The following TTC39A variants were observed in gnomAD, a reference collection of about 807,000 sequenced individuals.
TTC39A encodes the protein tetratricopeptide repeat domain 39A.
In TTC39A, 46 loss-of-function variants were observed where a neutral mutation model predicts 82.3. That is an observed-to-expected ratio of 0.56 (90% CI 0.44 to 0.71). TTC39A has a LOEUF of 0.71. TTC39A is among the 30% of genes least tolerant of loss of function. TTC39A has a pLI of 0.00. For synonymous variants in TTC39A, 254 were observed against 275.2 expected (o/e 0.92, Z 0.76); for missense variants, 543 against 712.9 (o/e 0.76, Z 2.71).
rs1376003823 is a variant in TTC39A, at chr1:51,312,270, C to A, written c.279-75G>T. 4 of 1,357,520 alleles carry A rather than the reference C, an allele frequency of 2.9e-6. No individual in the cohort carries two copies. The African/African-American group carries it at 5.8e-5, about 20-fold the overall frequency. 84.1% of individuals were successfully genotyped at this position (1,357,520 alleles called of 1,614,324 possible). A position where few individuals can be genotyped will look rare whatever the true frequency, so the allele number is the denominator to read the frequency against. On this transcript the variant is annotated intron_variant, in intron 3 of 17. Transcript: ENST00000680483. The stretch of plus-strand genomic sequence containing the variant: ...CTTGTCTCTGCCCCTCTCTGCTACA[C>A]CCTAGAACATTCCTAAAGAGACAGA...
Position 51,323,084 on chromosome 1 carries a change from C to T in TTC39A, c.42-1259G>A, listed in dbSNP as rs139890814. Among the ~76,000 whole-genome samples, 467 of 152,190 alleles carry T rather than the reference C, an allele frequency of 3.1e-3. 3 individuals carry two copies. Among genetic ancestry groups the T allele is most frequent in the Admixed American group, 6.2e-3 (94 of 15,284 alleles). On this transcript the variant is annotated intron_variant, in intron 1 of 17. Transcript: ENST00000680483. ...CTCCTGGGCTCAAGTGATCCTCTTG[C>T]CTCAGCATCCCAACGTGTTGGGATT... is the stretch of plus-strand genomic sequence containing the variant.
chr1:51,304,452 C>T (rs1275607925), intron 8 of TTC39A, among the ~76,000 whole-genome samples: 1 of 152,200 alleles, frequency 6.6e-6, no homozygotes, highest in Non-Finnish European at 1.5e-5. Context: ...GAGGGACTTG[C>T]TCAGAGTCAC....
intron 13 of TTC39A, chr1:51,295,825 C>G (rs542250591): frequency 1.8e-6 from 1 of 568,004 alleles, no homozygotes; most frequent in African/African-American, 1.9e-5. Flanking sequence ...CGGAGGAAGA[C>G]GATATTAGCA....
chr1:51,307,525 G>C (rs1231210411), intron 6 of TTC39A, among the ~76,000 whole-genome samples: 1 of 152,098 alleles, frequency 6.6e-6, no homozygotes, highest in Non-Finnish European at 1.5e-5. Flanking sequence ...CCTGAGGTCA[G>C]GAGTTCGAGA....
chr1:51,322,100 A>G, intron 1 of TTC39A: 2 of 1,552,106 alleles, frequency 1.3e-6, no homozygotes, highest in Non-Finnish European at 1.7e-6. Context: ...AAGAGGCCTC[A>G]GGAATCAATG....
chr1:51,312,201 G>A lies in TTC39A; in HGVS notation c.279-6C>T. ...CAGAAGACTTCCTCCGGTGCCTGAAGAGGAAAAAGAGGGGCCTCAGGTGAG... is the reference window on the plus strand; with the variant it reads ...CAGAAGACTTCCTCCGGTGCCTGAAAAGGAAAAAGAGGGGCCTCAGGTGAG... On this transcript the variant is annotated splice_polypyrimidine_tract_variant and splice_region_variant and intron_variant, in intron 3 of 17. Transcript: ENST00000680483. 2 of 1,601,066 alleles carry A rather than the reference G, an allele frequency of 1.2e-6. No individual in the cohort carries two copies. The highest frequency in any genetic ancestry group is 1.7e-6 in the Non-Finnish European group (2 of 1,173,834).
At chr1:51,309,042 T>C (rs1644981047) in intron 6 of TTC39A, among the ~76,000 whole-genome samples, 1 of 152,104 alleles carries the variant, frequency 6.6e-6, no homozygotes, top group African/African-American at 2.4e-5. Flanking sequence ...GAGTAGGCAC[T>C]CAAGGGACCA....
chr1:51,343,940 T>G (rs1052378962), intron 1 of TTC39A, among the ~76,000 whole-genome samples: 4 of 151,966 alleles, frequency 2.6e-5, no homozygotes, highest in Non-Finnish European at 5.9e-5. Flanking sequence ...CTTGGTCTGG[T>G]TTGTGCTTTA....
intron 15 of TTC39A, 113 bp downstream of exon 15, chr1:51,290,401 T>C (rs1644161188): frequency 1.7e-5 from 16 of 961,292 alleles, no homozygotes; most frequent in Non-Finnish European, 2.3e-5. Context: ...TCTAGAGAGA[T>C]AAAGGAGAGT....
Position 51,319,542 on chromosome 1 carries a change from A to G in TTC39A, c.146+2179T>C, listed in dbSNP as rs572785503. Among the ~76,000 whole-genome samples, 14 of 152,340 alleles carry G rather than the reference A, an allele frequency of 9.2e-5. No homozygotes were observed. In the East Asian group the frequency reaches 2.1e-3, roughly 23 times the overall value. On this transcript the variant is annotated intron_variant, in intron 2 of 17. Coordinates refer to ENST00000680483, the MANE Select transcript of TTC39A (RefSeq NM_001297663.2). Reference sequence around the variant, plus strand: ...CAGATTTTCAGAAATACAAGAGCCAATCCTAAACCTTTCTGGAGAAGGAGT... The same window carrying G: ...CAGATTTTCAGAAATACAAGAGCCAGTCCTAAACCTTTCTGGAGAAGGAGT...
intron 5 of TTC39A, 181 bp from the exon 6 acceptor site, chr1:51,309,506 A>G (rs1009166621): frequency 1.5e-5 from 21 of 1,409,234 alleles, no homozygotes; most frequent in Non-Finnish European, 2.0e-5. Flanking sequence ...TAAAATGCCC[A>G]GGGTTGGACC....
chr1:51,330,951 C>T (rs1053860463), upstream of TTC39A: 2 of 637,998 alleles, frequency 3.1e-6, no homozygotes, highest in Non-Finnish European at 5.7e-6. The surrounding 1 kb of genome is among the most constrained non-coding windows in gnomAD (Gnocchi z 4.5). Context: ...ACAAAGACAG[C>T]CCCCAGAGTC....
intron 1 of TTC39A, among the ~76,000 whole-genome samples, chr1:51,323,898 T>C (rs1198630807): frequency 6.6e-6 from 1 of 152,212 alleles, no homozygotes; most frequent in Non-Finnish European, 1.5e-5. Context: ...TTCTGGTGCC[T>C]GCTGCTCACA....
At chr1:51,331,677 C>G, upstream of TTC39A, 1 of 985,398 alleles carries the variant, frequency 1.0e-6, no homozygotes, top group South Asian at 4.7e-5. Context: ...TCCCATCCTG[C>G]CCATTTGTGA....
intron 1 of TTC39A, among the ~76,000 whole-genome samples, chr1:51,336,592 T>C (rs1645977789): frequency 6.6e-6 from 1 of 152,140 alleles, no homozygotes; most frequent in African/African-American, 2.4e-5. Context: ...CCAGCATTGA[T>C]GGCAACCTTT....
At chr1:51,317,568 G>C (rs184774521) in intron 2 of TTC39A, among the ~76,000 whole-genome samples, 2 of 152,186 alleles carry the variant, frequency 1.3e-5, no homozygotes, top group Non-Finnish European at 2.9e-5. Context: ...GGCCAAAATC[G>C]TGAAACCCTG....
intron 1 of TTC39A, chr1:51,322,273 T>A: frequency 6.9e-7 from 1 of 1,440,774 alleles, no homozygotes; most frequent in South Asian, 1.6e-5. Flanking sequence ...GACTCTAGAA[T>A]CCCTGACGTT....
chr1:51,334,695 A>G (rs1645953253), upstream of TTC39A: 4 of 152,300 alleles, frequency 2.6e-5, no homozygotes, highest in African/African-American at 9.7e-5. Flanking sequence ...TGCTATATAA[A>G]TGACCTAGTG....
chr1:51,337,269 C>A (rs746491756), intron 1 of TTC39A, among the ~76,000 whole-genome samples: 52 of 152,054 alleles, frequency 3.4e-4, no homozygotes, highest in Non-Finnish European at 6.5e-4. Flanking sequence ...TTGCTCACCT[C>A]CAAATATGCC....
Sources: allele counts gnomAD v4.1 joint callset (sites outside exome capture counted in the v4.1 genomes callset), GRCh38; gene constraint gnomAD v4.1.1; non-coding constraint Gnocchi (gnomAD v3.1); transcripts MANE v1.5; gene names NCBI Gene and HGNC (gene_info 2026-07-23, HGNC 2026-07-21).